TRPC5: variants seen among roughly 807,000 people sequenced by gnomAD.
TRPC5 encodes transient receptor potential cation channel subfamily C member 5, also known as short transient receptor potential channel 5.
TRPC5 carries 9 observed loss-of-function variants against 56.5 expected under a neutral mutation model. The ratio of observed to expected loss-of-function variants is 0.16; its 90% CI spans 0.10 to 0.28. TRPC5 has a LOEUF of 0.28. TRPC5 is among the 10% of genes least tolerant of loss of function. The pLI, the probability that TRPC5 is intolerant of heterozygous loss-of-function variation, is 1.00. For missense variants in TRPC5, 469 were observed against 748.9 expected, an observed-to-expected ratio of 0.63 and a Z score of 4.36; for synonymous variants, 282 against 278.5, an observed-to-expected ratio of 1.01 and a Z score of -0.13.
intron 3 of TRPC5, among the ~76,000 whole-genome samples, chrX:111,909,292 G>A (rs1925736097): frequency 9.3e-6 from 1 of 107,331 alleles, no homozygotes. Context: ...ATTGTGCCAC[G>A]GCACTCCAGC....
chrX:111,924,468 TA>T (rs1387462193), intron 2 of TRPC5, among the ~76,000 whole-genome samples: 239 of 101,107 alleles, frequency 2.4e-3, no homozygotes, highest in African/African-American at 4.9e-3. Flanking sequence ...GAGAGGCCTT[TA>T]AAAAAAAAAA....
At chrX:111,881,147 T>TTTATTTTATTTTATTTTATTTTATC (rs1924198066) in intron 3 of TRPC5, among the ~76,000 whole-genome samples, 1 of 69,084 alleles carries the variant, frequency 1.4e-5, no homozygotes, top group African/African-American at 1.3e-4. Flanking sequence ...TTTTCTTTTG[T>TTTATTTTATTTTATTTTATTTTATC]TTATTTTATT....
chrX:111,855,732 C>CT (rs200409099), intron 3 of TRPC5, among the ~76,000 whole-genome samples: 90 of 111,833 alleles, frequency 8.0e-4, no homozygotes, highest in African/African-American at 2.5e-3. Flanking sequence ...CCTTTCTACT[C>CT]TTTTTTTTGC....
At chrX:111,932,170 G>T (rs1193002473) in intron 2 of TRPC5, among the ~76,000 whole-genome samples, 2 of 111,300 alleles carry the variant, frequency 1.8e-5, no homozygotes, top group Admixed American at 1.9e-4. Flanking sequence ...ACTTAGGCAT[G>T]GTATCATGGG....
chrX:111,854,621 G>A (rs1174501803), intron 3 of TRPC5, among the ~76,000 whole-genome samples: 6 of 112,000 alleles, frequency 5.4e-5, no homozygotes, highest in Admixed American at 1.9e-4. Context: ...ATTCACATCC[G>A]CTCATTCCCT....
rs534660293 is a variant in TRPC5 at position 111,992,588 on chromosome X, C to CATTATT, written c.-21-40153_-21-40148dup. Among the ~76,000 whole-genome samples the CATTATT allele has an allele frequency of 3.1e-3, 322 of 104,957 alleles. 1 individual carries two copies. The highest frequency in any genetic ancestry group is 8.6e-3 in the African/African-American group (239 of 27,885). The allele number at this position is 104,957 out of a possible 115,157, so 91.1% of individuals were successfully genotyped here. A position where few individuals can be genotyped will look rare whatever the true frequency, so the allele number is the denominator to read the frequency against. On this transcript the variant is annotated intron_variant, in intron 1 of 10. Transcript: ENST00000262839. ...GAAATATGGGAATTGTTTTTTAAAA[C>CATTATT]ATTATTATTATTATTATTATTATTA...
chrX:112,049,874 C>T (rs145259292), intron 1 of TRPC5, among the ~76,000 whole-genome samples: 9,532 of 111,521 alleles, frequency 0.085, 380 homozygotes, highest in African/African-American at 0.15. Context: ...GCACAATGTA[C>T]ATTAGAATAT....
chrX:111,918,738 G>A, intron 2 of TRPC5, among the ~76,000 whole-genome samples: 1 of 111,574 alleles, frequency 9.0e-6, no homozygotes, highest in Non-Finnish European at 1.9e-5. Context: ...AGACAGAGTA[G>A]GCAAACTGGG....
At chrX:111,967,264 A>G (rs1927619773) in intron 1 of TRPC5, among the ~76,000 whole-genome samples, 2 of 111,400 alleles carry the variant, frequency 1.8e-5, no homozygotes, top group Non-Finnish European at 3.8e-5. Flanking sequence ...AAGGAATCCA[A>G]CTTACAAGGG....
At chrX:111,847,539 G>T in intron 5 of TRPC5, 103 bp from the exon 6 acceptor site, 1 of 696,683 alleles carries the variant, frequency 1.4e-6, no homozygotes, top group African/African-American at 2.2e-5. Context: ...ACCAAAATAT[G>T]CATCAAGCAT....
At chrX:111,926,887 T>A (rs1036207615) in intron 2 of TRPC5, among the ~76,000 whole-genome samples, 2 of 112,041 alleles carry the variant, frequency 1.8e-5, no homozygotes, top group Non-Finnish European at 3.8e-5. Context: ...CCTGGTGGCA[T>A]CAGAAGCAGC....
intron 1 of TRPC5, among the ~76,000 whole-genome samples, chrX:112,074,013 T>C (rs1202031804): frequency 8.9e-6 from 1 of 112,026 alleles, no homozygotes; most frequent in African/African-American, 3.2e-5. Flanking sequence ...TGCACATGTT[T>C]ACTCTGGCCA....
intron 7 of TRPC5, among the ~76,000 whole-genome samples, chrX:111,800,224 C>T (rs1230799575): frequency 9.0e-6 from 1 of 111,585 alleles, no homozygotes; most frequent in Non-Finnish European, 1.9e-5. Context: ...TCAGCCTACT[C>T]AACGTGAAGA....
Position 111,771,924 on chromosome X carries a change from C to T in TRPC5, c.*4389G>A, listed in dbSNP as rs906527310. Among the ~76,000 whole-genome samples, 7 of 110,720 alleles carry T rather than the reference C, an allele frequency of 6.3e-5. No individual in the cohort carries two copies. The highest frequency in any genetic ancestry group is 1.1e-4 in the Non-Finnish European group (6 of 52,940). ...TGAAAAGTTATTCTTGCTTCCCTCT[C>T]TTCAAAATGATCTAGTAATTACCTA... On this transcript the variant is annotated 3_prime_UTR_variant, in exon 11 of 11. Transcript: ENST00000262839.
In TRPC5 at chrX:111,965,086, C is replaced by T. The variant is rs1050837084; in HGVS notation, c.-21-12645G>A. 1.6e-4 allele frequency among the ~76,000 whole-genome samples: 18 copies of T among 111,223 alleles called. No homozygotes were observed. In the East Asian group the frequency reaches 1.7e-3, roughly 10 times the overall value. On this transcript the variant is annotated intron_variant, in intron 1 of 10. Transcript: ENST00000262839. Reference sequence around the variant, plus strand: ...TGCTGTATTCAGGAAACCCATCTCACGTGCAGAGACACACATAGGCTCAAA... The same window carrying T: ...TGCTGTATTCAGGAAACCCATCTCATGTGCAGAGACACACATAGGCTCAAA...
intron 2 of TRPC5, among the ~76,000 whole-genome samples, chrX:111,917,695 G>A (rs1926015652): frequency 8.9e-6 from 1 of 112,334 alleles, no homozygotes; most frequent in African/African-American, 3.2e-5. Context: ...AGAGTGGACA[G>A]GATCAGCCTC....
chrX:111,954,778 G>A (rs1927187579), intron 1 of TRPC5, among the ~76,000 whole-genome samples: 1 of 111,746 alleles, frequency 8.9e-6, no homozygotes, highest in Non-Finnish European at 1.9e-5. Context: ...GTAAGGCACA[G>A]TTGTGGGGGG....
Position 111,799,639 on chromosome X carries a change from G to T in TRPC5, c.1897-17501C>A, listed in dbSNP as rs761383147. ...TGCCACCTTTGTTATAGAAAAAGCC[G>T]TAGAAACCTTCAAAGCCCAAAACAG... On this transcript the variant is annotated intron_variant, in intron 7 of 10. Transcript: ENST00000262839. Among the ~76,000 whole-genome samples, 3 of 111,719 alleles carry T rather than the reference G, an allele frequency of 2.7e-5. No individual in the cohort carries two copies. The South Asian group carries it at 1.1e-3, about 42-fold the overall frequency.
intron 3 of TRPC5, among the ~76,000 whole-genome samples, chrX:111,907,963 G>T (rs1925686746): frequency 9.0e-6 from 1 of 111,241 alleles, no homozygotes; most frequent in Non-Finnish European, 1.9e-5. Context: ...TGAATTGTTG[G>T]AACCTCAGTA....
Sources: allele counts gnomAD v4.1 joint callset (sites outside exome capture counted in the v4.1 genomes callset), GRCh38; gene constraint gnomAD v4.1.1; transcripts MANE v1.5; gene names NCBI Gene and HGNC (gene_info 2026-07-23, HGNC 2026-07-21).